The following PCDH15 variants were observed in gnomAD, a reference collection of about 807,000 sequenced individuals.
The protein encoded by PCDH15 is protocadherin related 15, also known as protocadherin-15.
In PCDH15, 129 loss-of-function variants were observed where a neutral mutation model predicts 178.5. The observed-to-expected ratio is 0.72, with a 90% CI of 0.63 to 0.84. The LOEUF (loss-of-function observed/expected upper bound fraction) is 0.84. Among genes scored for constraint, PCDH15 ranks in the 40% least tolerant of loss-of-function variants. PCDH15 has a pLI of 0.00. For synonymous variants in PCDH15, 800 were observed against 732.0 expected, an observed-to-expected ratio of 1.09 and a Z score of -1.50; for missense variants, 2,230 against 2,099.9, an observed-to-expected ratio of 1.06 and a Z score of -1.21.
At chr10:54,388,971 C>G (rs1950225204) in intron 3 of PCDH15, among the ~76,000 whole-genome samples, 1 of 152,166 alleles carries the variant, frequency 6.6e-6, no homozygotes, top group African/African-American at 2.4e-5. Context: ...CATTGAGTAT[C>G]AGCAACAGAA....
intron 18 of PCDH15, among the ~76,000 whole-genome samples, chr10:54,032,794 T>C (rs2093329071): frequency 6.6e-6 from 1 of 152,050 alleles, no homozygotes; most frequent in Admixed American, 6.6e-5. Context: ...GATTTATAAA[T>C]GAAAGAGGTT....
chr10:54,242,128 TTTTATATATATATATATATATATATA>T (rs1454572927), intron 8 of PCDH15, among the ~76,000 whole-genome samples: 1,079 of 61,998 alleles, frequency 0.017, 104 homozygotes, highest in African/African-American at 0.076. Context: ...TGAATTCTAT[TTTTATATATATATATATATATATATA>T]TATATATATA....
chr10:55,246,158 G>A (rs538567035), intron 1 of PCDH15, among the ~76,000 whole-genome samples: 1 of 151,952 alleles, frequency 6.6e-6, no homozygotes, highest in East Asian at 1.9e-4. Context: ...AGAGATAAGA[G>A]TAAGGACAAG....
At chr10:54,697,969 G>A (rs1020972254) in intron 1 of PCDH15, among the ~76,000 whole-genome samples, 1 of 105,300 alleles carries the variant, frequency 9.5e-6, no homozygotes, top group African/African-American at 3.1e-5. Flanking sequence ...CATTGGTAGA[G>A]AGACTCCTAA....
chr10:54,995,171 T>C (rs1384297477), intron 2 of PCDH15, among the ~76,000 whole-genome samples: 1 of 152,080 alleles, frequency 6.6e-6, no homozygotes, highest in Non-Finnish European at 1.5e-5. Flanking sequence ...AGTCAGGAGA[T>C]AGAGACCATC....
intron 32 of PCDH15, chr10:53,822,906 G>A (rs1170911776): frequency 6.2e-7 from 1 of 1,614,014 alleles, no homozygotes; most frequent in African/African-American, 1.3e-5. Context: ...TTCATTTTCA[G>A]CTTTCTGCCT....
intron 2 of PCDH15, among the ~76,000 whole-genome samples, chr10:54,588,994 T>C (rs1196458974): frequency 3.9e-5 from 6 of 152,192 alleles, no homozygotes; most frequent in Non-Finnish European, 8.8e-5. Context: ...AGTAATAGAA[T>C]TTGTGTCTGT....
chr10:54,749,544 T>C (rs1300567668), intron 1 of PCDH15, among the ~76,000 whole-genome samples: 1 of 152,180 alleles, frequency 6.6e-6, no homozygotes, highest in East Asian at 1.9e-4. Context: ...CGAATGGCTA[T>C]ACTTTTTTAG....
At chr10:54,190,356 T>A (rs996996313) in intron 11 of PCDH15, among the ~76,000 whole-genome samples, 4 of 152,196 alleles carry the variant, frequency 2.6e-5, no homozygotes, top group Non-Finnish European at 5.9e-5. Flanking sequence ...AAAGAGTTTA[T>A]CCCTATAATG....
chr10:54,254,655 A>T (rs1264604596), intron 8 of PCDH15, among the ~76,000 whole-genome samples: 2 of 152,116 alleles, frequency 1.3e-5, no homozygotes, highest in Admixed American at 6.6e-5. Flanking sequence ...TTTTTGTGGA[A>T]GGGCAAACTG....
chr10:54,993,756 A>G (rs1434039239), intron 2 of PCDH15, among the ~76,000 whole-genome samples: 4 of 152,196 alleles, frequency 2.6e-5, no homozygotes, highest in African/African-American at 7.2e-5. Flanking sequence ...TGCTAAAAAG[A>G]GAGGAATTAG....
At chr10:55,168,254 G>A (rs1477283444) in intron 1 of PCDH15, among the ~76,000 whole-genome samples, 2 of 152,078 alleles carry the variant, frequency 1.3e-5, no homozygotes, top group Admixed American at 6.6e-5. Context: ...CAAGCCCAGT[G>A]TGGCCCCTTG....
intron 3 of PCDH15, among the ~76,000 whole-genome samples, chr10:54,516,806 G>C (rs2082272735): frequency 6.6e-6 from 1 of 152,180 alleles, no homozygotes. Flanking sequence ...AGGGCAGCCA[G>C]AGAGAAAGAT....
At chr10:55,514,832 A>G (rs1379321140) in intron 2 of PCDH15, among the ~76,000 whole-genome samples, 2 of 152,056 alleles carry the variant, frequency 1.3e-5, no homozygotes, top group African/African-American at 4.8e-5. Context: ...GGGGAAATGG[A>G]GTTGCCATTT....
intron 2 of PCDH15, among the ~76,000 whole-genome samples, chr10:54,623,085 A>C (rs549388945): frequency 3.3e-5 from 5 of 151,986 alleles, no homozygotes; most frequent in Non-Finnish European, 5.9e-5. Context: ...GTTTTGTTCA[A>C]TTGATTTTAC....
chr10:54,014,425 A>G (rs1565013272), intron 20 of PCDH15, among the ~76,000 whole-genome samples: 1 of 152,166 alleles, frequency 6.6e-6, no homozygotes. Flanking sequence ...GGCCAAAATC[A>G]TCTTGATACC....
In PCDH15 at chr10:53,961,748, T is replaced by C. The variant is rs2088343308; in HGVS notation, c.3009+4A>G. On this transcript the variant is annotated splice_donor_region_variant and intron_variant, in intron 22 of 37. Coordinates refer to ENST00000644397, the MANE Select transcript of PCDH15 (RefSeq NM_001384140.1). The stretch of plus-strand genomic sequence containing the variant: ...TAGACCACATAATGAAAAGAGACAC[T>C]GACCTTAAAAATTGTTGTAGGTTCT... 1 of 1,602,278 alleles carries C rather than the reference T, an allele frequency of 6.2e-7. No individual in the cohort carries two copies. The highest frequency in any genetic ancestry group is 1.1e-5 in the South Asian group (1 of 88,364).
chr10:55,351,062 C>T (rs1013511043), intron 2 of PCDH15, among the ~76,000 whole-genome samples: 1 of 131,942 alleles, frequency 7.6e-6, no homozygotes, highest in Non-Finnish European at 1.6e-5. Context: ...CCTCCCCCCG[C>T]TGCTGCCTCC....
intron 6 of PCDH15, among the ~76,000 whole-genome samples, chr10:54,332,207 A>G (rs1341017436): frequency 7.4e-6 from 1 of 134,610 alleles, no homozygotes; most frequent in Non-Finnish European, 1.6e-5. Flanking sequence ...TTTTGGTTAA[A>G]TCATCTTTAA....
Sources: allele counts gnomAD v4.1 joint callset (sites outside exome capture counted in the v4.1 genomes callset), GRCh38; gene constraint gnomAD v4.1.1; transcripts MANE v1.5; gene names NCBI Gene and HGNC (gene_info 2026-07-23, HGNC 2026-07-21).